FARS2: variants seen among roughly 807,000 people sequenced by gnomAD.
FARS2 encodes the protein phenylalanine--tRNA ligase, mitochondrial.
FARS2 carries 40 observed loss-of-function variants against 46.4 expected under a neutral mutation model. The ratio of observed to expected loss-of-function variants is 0.86; its 90% CI spans 0.67 to 1.12. The LOEUF (loss-of-function observed/expected upper bound fraction) is 1.12, where lower values mean the gene tolerates loss of function less well. Among genes scored for constraint, FARS2 ranks in the 50% most tolerant of loss-of-function variants. FARS2 has a pLI of 0.00. For synonymous variants in FARS2, 234 were observed against 214.9 expected, an observed-to-expected ratio of 1.09 and a Z score of -0.78; for missense variants, 513 against 567.9, an observed-to-expected ratio of 0.90 and a Z score of 0.98.
chr6:5,251,317 T>C, the FARS2 span, among the ~76,000 whole-genome samples: 1 of 152,082 alleles, frequency 6.6e-6, no homozygotes, highest in Admixed American at 6.5e-5. Context: ...GTTAATACTA[T>C]TCATATTAGG....
chr6:5,485,194 C>T (rs1418785867), intron 4 of FARS2, among the ~76,000 whole-genome samples: 1 of 152,114 alleles, frequency 6.6e-6, no homozygotes, highest in Non-Finnish European at 1.5e-5. Context: ...GGAGCTGCCT[C>T]TCCTTTGATG....
rs566131300 is a variant in FARS2, at chr6:5,319,570, C to T, written c.-21-48980C>T. On this transcript the variant is annotated intron_variant, in intron 1 of 6. Coordinates refer to ENST00000274680, the MANE Select transcript of FARS2 (RefSeq NM_006567.5). ...GGTGAGACAGTGCTGATGGATCTCT[C>T]GAGTTGCCTACTTGACCCTCTTCCA... Among the ~76,000 whole-genome samples, 274 of 152,320 alleles carry T rather than the reference C, an allele frequency of 1.8e-3. 1 individual carries two copies. Among genetic ancestry groups the T allele is most frequent in the Non-Finnish European group, 3.4e-3 (230 of 68,016 alleles).
chr6:5,254,800 C>T, the FARS2 span, among the ~76,000 whole-genome samples: 5 of 152,302 alleles, frequency 3.3e-5, no homozygotes, highest in Admixed American at 2.6e-4. Context: ...CCAACCCCAC[C>T]AGCTGTGCTC....
chr6:5,677,782 G>T (rs1180141530), intron 6 of FARS2, among the ~76,000 whole-genome samples: 1 of 152,188 alleles, frequency 6.6e-6, no homozygotes, highest in South Asian at 2.1e-4. Context: ...CTACTTGAAG[G>T]GTTCACATGT....
At chr6:5,546,536 C>A (rs918875696) in intron 5 of FARS2, among the ~76,000 whole-genome samples, 3 of 151,922 alleles carry the variant, frequency 2.0e-5, no homozygotes, top group Admixed American at 6.6e-5. Context: ...AGGAGTGAGC[C>A]ACTGCGCCCA....
chr6:5,550,670 T>C (rs1260392322), intron 5 of FARS2, among the ~76,000 whole-genome samples: 1 of 152,244 alleles, frequency 6.6e-6, no homozygotes, highest in Non-Finnish European at 1.5e-5. Context: ...CTTTCTTTCC[T>C]TCTCTTTTTG....
chr6:5,754,732 A>G (rs1013586837), intron 6 of FARS2, among the ~76,000 whole-genome samples: 1 of 152,214 alleles, frequency 6.6e-6, no homozygotes, highest in East Asian at 1.9e-4. Context: ...GTATTATTCC[A>G]TTAGCTCCTG....
At chr6:5,562,925 TC>T (rs1772091617) in intron 5 of FARS2, among the ~76,000 whole-genome samples, 1 of 151,810 alleles carries the variant, frequency 6.6e-6, no homozygotes, top group Non-Finnish European at 1.5e-5. Flanking sequence ...TGCCTAAGCC[TC>T]CCGAGTAGCT....
chr6:5,284,247 A>G (rs1282081300), intron 1 of FARS2, among the ~76,000 whole-genome samples: 1 of 152,192 alleles, frequency 6.6e-6, no homozygotes, highest in Non-Finnish European at 1.5e-5. Flanking sequence ...GGTTGGACTT[A>G]TATGGAGTGC....
At chr6:5,537,919 C>A (rs1307537879) in intron 4 of FARS2, among the ~76,000 whole-genome samples, 3 of 152,038 alleles carry the variant, frequency 2.0e-5, no homozygotes, top group African/African-American at 7.2e-5. Context: ...TCTTCTCTTA[C>A]ATCTTTTGCT....
At chr6:5,466,578 C>G (rs1371860263) in intron 4 of FARS2, 2 of 985,292 alleles carry the variant, frequency 2.0e-6, no homozygotes, top group African/African-American at 3.5e-5. Flanking sequence ...AGTTTCACAT[C>G]AACCCAGAGG....
At chr6:5,540,272 A>G (rs916609029) in intron 4 of FARS2, among the ~76,000 whole-genome samples, 8 of 152,234 alleles carry the variant, frequency 5.3e-5, no homozygotes, top group African/African-American at 1.9e-4. Context: ...TTTGACAAAC[A>G]TAATAGAATG....
intron 6 of FARS2, among the ~76,000 whole-genome samples, chr6:5,676,792 C>T (rs1259474407): frequency 1.3e-5 from 2 of 152,142 alleles, no homozygotes; most frequent in Admixed American, 6.5e-5. Context: ...GTGTATGCCC[C>T]GTCTTATGAC....
chr6:5,741,398 GTTC>G (rs1761330507), intron 6 of FARS2, among the ~76,000 whole-genome samples: 1 of 152,122 alleles, frequency 6.6e-6, no homozygotes, highest in Non-Finnish European at 1.5e-5. Flanking sequence ...CCTTCTATAT[GTTC>G]TTCATGTATT....
intron 5 of FARS2, among the ~76,000 whole-genome samples, chr6:5,572,252 G>A (rs1772697353): frequency 6.6e-6 from 1 of 152,134 alleles, no homozygotes; most frequent in African/African-American, 2.4e-5. Context: ...GGCGGAAGGT[G>A]AAGGGACAGC....
At chr6:5,368,256 C>T (rs112199100) in intron 1 of FARS2, among the ~76,000 whole-genome samples, 1 of 152,222 alleles carries the variant, frequency 6.6e-6, no homozygotes, top group African/African-American at 2.4e-5. Context: ...ATCACGAGTT[C>T]AGGACATGAT....
intron 5 of FARS2, among the ~76,000 whole-genome samples, chr6:5,555,435 T>G (rs1771603708): frequency 6.6e-6 from 1 of 152,178 alleles, no homozygotes; most frequent in Non-Finnish European, 1.5e-5. Context: ...TCTTTAATTC[T>G]TTTTTGCTAG....
At chr6:5,737,341 G>T (rs11243034) in intron 6 of FARS2, among the ~76,000 whole-genome samples, 1 of 152,180 alleles carries the variant, frequency 6.6e-6, no homozygotes, top group Non-Finnish European at 1.5e-5. Context: ...GACCAGCCTG[G>T]CCAACATAGT....
chr6:5,494,883 A>C (rs1023789815), intron 4 of FARS2, among the ~76,000 whole-genome samples: 5 of 152,240 alleles, frequency 3.3e-5, no homozygotes, highest in Non-Finnish European at 7.3e-5. Context: ...AGGAAAAAGC[A>C]ATCGAAAATA....
Sources: allele counts gnomAD v4.1 joint callset (sites outside exome capture counted in the v4.1 genomes callset), GRCh38; gene constraint gnomAD v4.1.1; transcripts MANE v1.5; gene names NCBI Gene and HGNC (gene_info 2026-07-23, HGNC 2026-07-21).